The following TRIB3 variants were observed in gnomAD, a reference collection of about 807,000 sequenced individuals.
TRIB3 encodes tribbles homolog 3.
A neutral mutation model predicts 16.6 loss-of-function variants in TRIB3; 20 were observed. The ratio of observed to expected loss-of-function variants is 1.20; its 90% CI spans 0.85 to 1.75. The LOEUF (loss-of-function observed/expected upper bound fraction) is 1.75. Ranked by LOEUF, TRIB3 falls within the 40% of genes most tolerant of loss-of-function variation. The pLI is 0.00. For missense variants in TRIB3, 484 were observed against 488.9 expected, an observed-to-expected ratio of 0.99 and a Z score of 0.10; for synonymous variants, 208 against 217.0, an observed-to-expected ratio of 0.96 and a Z score of 0.36.
At chr20:385,302 G>A (rs930578819) in intron 1 of TRIB3, among the ~76,000 whole-genome samples, 6 of 151,134 alleles carry the variant, frequency 4.0e-5, no homozygotes, top group Non-Finnish European at 4.4e-5. Context: ...TAGTAGAGAC[G>A]GGGTTTCACC....
Position 388,155 on chromosome 20 carries a change from C to G in TRIB3, c.145C>G (p.Pro49Ala). 1 of 1,614,116 alleles carries G rather than the reference C, an allele frequency of 6.2e-7. No individual in the cohort carries two copies. The highest frequency in any genetic ancestry group is 8.5e-7 in the Non-Finnish European group (1 of 1,180,036). The change falls in exon 2 of 4, where the codon CCC becomes GCC. Residue 49 changes from proline to alanine, a missense_variant. Coordinates refer to ENST00000217233, the MANE Select transcript of TRIB3 (RefSeq NM_021158.5). ...GCCCAGACTGCCCCCCTGCCTGTTG[C>G]CCCTGAGCCCACCTACTGCTCCAGA... Reference protein sequence around the residue: ...PQPRLPPCLLPLSPPTAPDRA... With the variant: ...PQPRLPPCLLALSPPTAPDRA...
intron 1 of TRIB3, among the ~76,000 whole-genome samples, chr20:385,953 G>A (rs1568532829): frequency 6.6e-6 from 1 of 151,114 alleles, no homozygotes; most frequent in Admixed American, 6.6e-5. Context: ...AACCTCCCAG[G>A]CTCAAGCAAT....
chr20:388,271 C>G lies in TRIB3; in HGVS notation c.261C>G (p.His87Gln). The change falls in exon 2 of 4, where the codon CAC becomes CAG. Residue 87 changes from histidine (H) to glutamine (Q), a missense_variant. Coordinates refer to ENST00000217233, the MANE Select transcript of TRIB3 (RefSeq NM_021158.5). The part of the protein sequence containing the change: ...EEGGRAYQAL[H>Q]CPTGTEYTCK... ...GCGGGCGGGCCTACCAGGCCCTGCA[C>G]TGCCCTACAGGCACTGAGTATACCT... 1 of 1,612,996 alleles carries G rather than the reference C, an allele frequency of 6.2e-7. No homozygotes were observed.
chr20:393,455 C>A (rs112118072), intron 3 of TRIB3, among the ~76,000 whole-genome samples: 21,608 of 152,102 alleles, frequency 0.14, 2,019 homozygotes, highest in Middle Eastern at 0.23. Context: ...CCTCAGCCTC[C>A]TGAGTAGTTG....
At chr20:395,819 A>G (rs1711239531) in intron 3 of TRIB3, among the ~76,000 whole-genome samples, 1 of 152,106 alleles carries the variant, frequency 6.6e-6, no homozygotes, top group Non-Finnish European at 1.5e-5. Flanking sequence ...CTTTTTAGGT[A>G]GCGCTTGTGC....
rs915464042 is a variant in TRIB3 at position 397,262 on chromosome 20, A to C, written c.*572A>C. 1 of 153,268 alleles carries C rather than the reference A, an allele frequency of 6.5e-6. No homozygotes were observed. Among genetic ancestry groups the C allele is most frequent in the African/African-American group, 2.4e-5 (1 of 41,442 alleles). 9.5% of individuals were successfully genotyped at this position (153,268 alleles called of 1,614,324 possible). A position where few individuals can be genotyped will look rare whatever the true frequency, so the allele number is the denominator to read the frequency against. Reference sequence around the variant, plus strand: ...CTCTTGATTAAGAGATTCTCCTTCCAGGCCTAAGCCTGGGATTTGGGCCAG... The same window carrying C: ...CTCTTGATTAAGAGATTCTCCTTCCCGGCCTAAGCCTGGGATTTGGGCCAG... On this transcript the variant is annotated 3_prime_UTR_variant, in exon 4 of 4. Transcript: ENST00000217233.
In TRIB3 at chr20:396,469, G is replaced by A. The variant is rs1568538408; in HGVS notation, c.856G>A (p.Ala286Thr). The A allele has an allele frequency of 3.1e-6, 5 of 1,612,654 alleles. No individual in the cohort carries two copies. Among genetic ancestry groups the A allele is most frequent in the Non-Finnish European group, 4.2e-6 (5 of 1,179,990 alleles). ...CTACGCCTTGCCTGCAGGCCTCTCG[G>A]CCCCTGCCCGCTGTCTGGTTCGCTG... ...GAYALPAGLS[A>T]PARCLVRCLL... The change falls in exon 4 of 4, where the codon GCC (alanine) becomes ACC (threonine). Residue 286 changes from alanine to threonine, a missense_variant. Physicochemically the swap from Ala to Thr is moderately conservative, Grantham distance 58. Transcript: ENST00000217233.
At chr20:387,674 C>G (rs901311139) in intron 1 of TRIB3, among the ~76,000 whole-genome samples, 1 of 152,024 alleles carries the variant, frequency 6.6e-6, no homozygotes, top group African/African-American at 2.4e-5. Context: ...CTTCCTTGTC[C>G]TTTTTCAGGG....
chr20:382,876 C>T (rs551975499), intron 1 of TRIB3, among the ~76,000 whole-genome samples: 45 of 152,326 alleles, frequency 3.0e-4, no homozygotes, highest in Non-Finnish European at 5.6e-4. Context: ...GGAGGCCTTC[C>T]CTTCCAAGGC....
At position 396,233 on chromosome 20, in the gene TRIB3, G is replaced by A. The variant is rs1371843128; in HGVS notation, c.620G>A (p.Cys207Tyr). The A allele has an allele frequency of 5.0e-6, 8 of 1,612,856 alleles. No individual in the cohort carries two copies. The African/African-American group carries it at 9.3e-5, about 19-fold the overall frequency. ...KLVLENLEDS[C>Y]VLTGPDDSLW... ...GTGCTGGAGAACCTGGAGGACTCCTGCGTGCTGACTGGGCCAGATGATTCC... is the reference window on the plus strand; with the variant it reads ...GTGCTGGAGAACCTGGAGGACTCCTACGTGCTGACTGGGCCAGATGATTCC... The change falls in exon 4 of 4, where the codon TGC becomes TAC. Residue 207 changes from cysteine to tyrosine, a missense_variant. Physicochemically the swap from Cys to Tyr is radical, Grantham distance 194. Coordinates refer to ENST00000217233, the MANE Select transcript of TRIB3 (RefSeq NM_021158.5).
At position 396,287 on chromosome 20, in the gene TRIB3, A is replaced by C; in HGVS notation, c.674A>C (p.Tyr225Ser). The change falls in exon 4 of 4, where the codon TAC becomes TCC. Residue 225 changes from tyrosine to serine, a missense_variant. Coordinates refer to ENST00000217233, the MANE Select transcript of TRIB3 (RefSeq NM_021158.5). ...TGGGACAAGCACGCGTGCCCAGCCTACGTGGGACCTGAGATACTCAGCTCA... is the reference window on the plus strand; with the variant it reads ...TGGGACAAGCACGCGTGCCCAGCCTCCGTGGGACCTGAGATACTCAGCTCA... ...SLWDKHACPA[Y>S]VGPEILSSRA... 6.2e-7 allele frequency: 1 copy of C among 1,613,912 alleles called. No individual in the cohort carries two copies. Among genetic ancestry groups the C allele is most frequent in the Non-Finnish European group, 8.5e-7 (1 of 1,180,028 alleles).
At chr20:384,061 A>T (rs2014730257) in intron 1 of TRIB3, among the ~76,000 whole-genome samples, 2 of 151,990 alleles carry the variant, frequency 1.3e-5, no homozygotes, top group Non-Finnish European at 2.9e-5. Flanking sequence ...CCAGTCTGCC[A>T]CTGAGTCCTC....
intron 1 of TRIB3, among the ~76,000 whole-genome samples, chr20:382,002 G>T (rs1394198087): frequency 6.6e-6 from 1 of 152,136 alleles, no homozygotes; most frequent in African/African-American, 2.4e-5. Context: ...GCCGCCTTTC[G>T]CTTGGGCTCC....
chr20:392,819 A>G (rs1290066616), intron 3 of TRIB3, among the ~76,000 whole-genome samples: 2 of 152,090 alleles, frequency 1.3e-5, no homozygotes, highest in Admixed American at 6.6e-5. Context: ...CGGCCTCCCA[A>G]AGTGCTGGGA....
intron 3 of TRIB3, among the ~76,000 whole-genome samples, chr20:392,329 C>A (rs2015003199): frequency 1.3e-5 from 2 of 152,066 alleles, no homozygotes; most frequent in Non-Finnish European, 2.9e-5. Flanking sequence ...GCTTGAGAGG[C>A]AGGGGCCTGG....
intron 1 of TRIB3, among the ~76,000 whole-genome samples, chr20:386,262 T>C (rs549313220): frequency 6.6e-6 from 1 of 152,224 alleles, no homozygotes; most frequent in East Asian, 1.9e-4. Context: ...GCACCCAGTG[T>C]TAAGTGAATG....
At position 380,822 on chromosome 20, in the gene TRIB3, C is replaced by T. The variant is rs1487124304; in HGVS notation, c.-348C>T. 1 of 152,576 alleles carries T rather than the reference C, an allele frequency of 6.6e-6. No homozygotes were observed. The highest frequency in any genetic ancestry group is 1.5e-5 in the Non-Finnish European group (1 of 68,426). 9.5% of individuals were successfully genotyped at this position (152,576 alleles called of 1,614,324 possible). The stretch of plus-strand genomic sequence containing the variant: ...TGCAGCGGATGCAGAGGAGAGAGGC[C>T]CGGGCGCGGCGCGGGGGATGGTGCG... On this transcript the variant is annotated 5_prime_UTR_variant, in exon 1 of 4. Coordinates refer to ENST00000217233, the MANE Select transcript of TRIB3 (RefSeq NM_021158.5).
intron 1 of TRIB3, among the ~76,000 whole-genome samples, chr20:384,864 A>G (rs890270645): frequency 5.3e-5 from 8 of 152,170 alleles, no homozygotes; most frequent in African/African-American, 1.9e-4. Context: ...CCTCCCTTTA[A>G]GAACACTGTC....
At chr20:382,361 C>T in intron 1 of TRIB3, 4 of 615,964 alleles carry the variant, frequency 6.5e-6, no homozygotes, top group Non-Finnish European at 1.1e-5. Context: ...GAGGGATGGC[C>T]GGGGCCAAGG....
Sources: gnomAD v4.1 joint callset for allele counts (sites outside exome capture counted in the v4.1 genomes callset) on GRCh38, gnomAD v4.1.1 for gene constraint, MANE v1.5 for transcripts, NCBI Gene and HGNC (gene_info 2026-07-23, HGNC 2026-07-21) for gene names.